The following FYN variants were observed in gnomAD, a reference collection of about 807,000 sequenced individuals.
FYN encodes FYN proto-oncogene, Src family tyrosine kinase.
FYN carries 10 observed loss-of-function variants against 70.2 expected under a neutral mutation model. The ratio of observed to expected loss-of-function variants is 0.14; its 90% CI spans 0.09 to 0.24. FYN has a LOEUF of 0.24. FYN is among the 10% of genes least tolerant of loss of function. The pLI is 1.00. For missense variants in FYN, 319 were observed against 673.1 expected (o/e 0.47, Z 5.82); for synonymous variants, 236 against 248.6 (o/e 0.95, Z 0.48).
intron 3 of FYN, among the ~76,000 whole-genome samples, chr6:111,745,187 T>C (rs1315613531): frequency 1.3e-5 from 2 of 152,192 alleles, no homozygotes; most frequent in Admixed American, 6.5e-5. Flanking sequence ...GGGCAAATAC[T>C]ATGTATCCAA....
chr6:111,837,516 T>C (rs890752411), intron 2 of FYN, among the ~76,000 whole-genome samples: 1 of 152,184 alleles, frequency 6.6e-6, no homozygotes, highest in Admixed American at 6.5e-5. Context: ...CTACCCTGTG[T>C]ATGAATCCAC....
intron 13 of FYN, among the ~76,000 whole-genome samples, chr6:111,662,269 G>GC (rs1397005916): frequency 6.6e-6 from 1 of 152,236 alleles, no homozygotes; most frequent in Non-Finnish European, 1.5e-5. Context: ...ATCAGTGGCT[G>GC]CCTGGGGGAG....
intron 2 of FYN, among the ~76,000 whole-genome samples, chr6:111,795,734 T>G (rs1458564711): frequency 6.6e-6 from 1 of 152,216 alleles, no homozygotes; most frequent in Non-Finnish European, 1.5e-5. Context: ...TTGCATATAT[T>G]ATCTCATTTT....
intron 3 of FYN, among the ~76,000 whole-genome samples, chr6:111,756,460 A>G (rs1423476950): frequency 6.6e-6 from 1 of 152,090 alleles, no homozygotes; most frequent in African/African-American, 2.4e-5. Context: ...AAAAAAATGC[A>G]GGAGATAGAA....
rs750493333 is a variant in FYN at position 111,674,605 on chromosome 6, C to T, written c.1299G>A (p.Thr433=). The change falls in exon 13 of 14, where the codon ACG becomes ACA. Residue 433 remains threonine (T), a synonymous_variant. Transcript: ENST00000354650. The part of the protein sequence containing the change: ...RQGAKFPIKW[T]APEAALYGRF... ...TCCCGTACAGGGCTGCCTCGGGGGC[C>T]GTCCACTTGATGGGGAACTTTGCAC... 2.6e-5 allele frequency: 42 copies of T among 1,613,492 alleles called. No individual in the cohort carries two copies. Among genetic ancestry groups the T allele is most frequent in the Non-Finnish European group, 3.4e-5 (40 of 1,179,624 alleles).
In FYN at chr6:111,694,254, C is replaced by G. The variant is rs1799476600; in HGVS notation, c.1273+121G>C. ...GCCAGATCAAGGTGTCCAAACCAAG[C>G]TGAAGAATGACATTTCAAGTATTTT... On this transcript the variant is annotated intron_variant, in intron 12 of 13. Transcript: ENST00000354650. The surrounding 1 kb of genome is among the most constrained non-coding windows in gnomAD (Gnocchi z 5.0). The G allele has an allele frequency of 7.5e-7, 1 of 1,329,652 alleles. No homozygotes were observed. The highest frequency in any genetic ancestry group is 1.0e-6 in the Non-Finnish European group (1 of 954,096). 82.4% of individuals were successfully genotyped at this position (1,329,652 alleles called of 1,614,324 possible).
At chr6:111,791,212 C>G (rs1348083163) in intron 2 of FYN, among the ~76,000 whole-genome samples, 1 of 151,912 alleles carries the variant, frequency 6.6e-6, no homozygotes, top group Non-Finnish European at 1.5e-5. Context: ...CCAAACAGAC[C>G]AAGAGAATAA....
chr6:111,684,910 G>C (rs999228676), intron 12 of FYN, among the ~76,000 whole-genome samples: 1 of 152,148 alleles, frequency 6.6e-6, no homozygotes, highest in African/African-American at 2.4e-5. Flanking sequence ...TGCTGTTCTA[G>C]AATACTGAGG....
At chr6:111,735,471 A>G (rs1285914693) in intron 3 of FYN, among the ~76,000 whole-genome samples, 1 of 152,224 alleles carries the variant, frequency 6.6e-6, no homozygotes, top group East Asian at 1.9e-4. Context: ...GAAGGGAGGT[A>G]AAGTTATTTG....
At chr6:111,798,777 C>T (rs945160182) in intron 2 of FYN, among the ~76,000 whole-genome samples, 5 of 152,158 alleles carry the variant, frequency 3.3e-5, no homozygotes, top group African/African-American at 7.2e-5. Context: ...GAAGAATAAA[C>T]AAAAAGCGTT....
At chr6:111,668,016 T>C (rs1798087637) in intron 13 of FYN, among the ~76,000 whole-genome samples, 1 of 152,374 alleles carries the variant, frequency 6.6e-6, no homozygotes, top group Admixed American at 6.5e-5. Flanking sequence ...CACAACGTTG[T>C]GCATAAGGCC....
intron 3 of FYN, among the ~76,000 whole-genome samples, chr6:111,749,868 A>G (rs1204665650): frequency 6.6e-6 from 1 of 152,220 alleles, no homozygotes; most frequent in Admixed American, 6.5e-5. Flanking sequence ...TGACAGGGAT[A>G]AATGACCTAC....
intron 13 of FYN, among the ~76,000 whole-genome samples, chr6:111,671,646 C>T (rs1798275725): frequency 6.6e-6 from 1 of 152,070 alleles, no homozygotes. Context: ...GGGAGTCTGT[C>T]CTGAGGTACC....
At position 111,804,041 on chromosome 6, in the gene FYN, T is replaced by C. The variant is rs560146450; in HGVS notation, c.-81-23406A>G. On this transcript the variant is annotated intron_variant, in intron 2 of 13. Transcript: ENST00000354650. Reference sequence around the variant, plus strand: ...AATTGACTGCGGGGATGAGACAGTGTGGATACAGCTACTAGTTTCACTTAA... The same window carrying C: ...AATTGACTGCGGGGATGAGACAGTGCGGATACAGCTACTAGTTTCACTTAA... Among the ~76,000 whole-genome samples, 7 of 152,334 alleles carry C rather than the reference T, an allele frequency of 4.6e-5. No homozygotes were observed. The South Asian group carries it at 1.2e-3, about 27-fold the overall frequency.
At chr6:111,721,178 G>A (rs188075299) in intron 3 of FYN, among the ~76,000 whole-genome samples, 1 of 152,242 alleles carries the variant, frequency 6.6e-6, no homozygotes, top group Non-Finnish European at 1.5e-5. Context: ...TGCCCTTCCA[G>A]GCTGGGTTGT....
At chr6:111,713,551 C>G (rs897347170) in intron 5 of FYN, among the ~76,000 whole-genome samples, 4 of 152,154 alleles carry the variant, frequency 2.6e-5, no homozygotes, top group African/African-American at 9.6e-5. Flanking sequence ...CACCCCCCCA[C>G]ACTTTCTTCA....
chr6:111,676,941 T>C (rs1798551429), intron 12 of FYN, among the ~76,000 whole-genome samples: 1 of 152,226 alleles, frequency 6.6e-6, no homozygotes, highest in Non-Finnish European at 1.5e-5. Flanking sequence ...GCCAGTTGCA[T>C]TAGTCAGCTT....
At chr6:111,811,065 G>A (rs1254626456) in intron 2 of FYN, among the ~76,000 whole-genome samples, 1 of 152,176 alleles carries the variant, frequency 6.6e-6, no homozygotes, top group Non-Finnish European at 1.5e-5. Flanking sequence ...AGCCAACCTT[G>A]CCCGGCACCA....
chr6:111,724,061 G>A (rs995021476), intron 3 of FYN, among the ~76,000 whole-genome samples: 11 of 152,266 alleles, frequency 7.2e-5, no homozygotes, highest in Admixed American at 2.6e-4. Flanking sequence ...CAATCCTTTT[G>A]CAAAGGGAGG....
Sources: gnomAD v4.1 joint callset for allele counts (sites outside exome capture counted in the v4.1 genomes callset) on GRCh38, gnomAD v4.1.1 for gene constraint, Gnocchi (gnomAD v3.1) non-coding constraint, MANE v1.5 for transcripts, NCBI Gene and HGNC (gene_info 2026-07-23, HGNC 2026-07-21) for gene names.